The following RFX2 variants were observed in gnomAD, a reference collection of about 807,000 sequenced individuals.
RFX2 encodes regulatory factor X2.
A neutral mutation model predicts 87.8 loss-of-function variants in RFX2; 20 were observed. That is an observed-to-expected ratio of 0.23 (90% CI 0.16 to 0.33). The LOEUF (loss-of-function observed/expected upper bound fraction) is 0.33, where lower values mean the gene tolerates loss of function less well. RFX2 is among the 10% of genes least tolerant of loss of function. The pLI, the probability that RFX2 is intolerant of heterozygous loss-of-function variation, is 1.00. For missense variants in RFX2, 767 were observed against 1,012.3 expected, an observed-to-expected ratio of 0.76 and a Z score of 3.29; for synonymous variants, 397 against 431.3, an observed-to-expected ratio of 0.92 and a Z score of 0.98.
At chr19:6,079,415 A>G (rs902050268) in intron 1 of RFX2, among the ~76,000 whole-genome samples, 1 of 152,230 alleles carries the variant, frequency 6.6e-6, no homozygotes, top group Non-Finnish European at 1.5e-5. Context: ...TGCCAAGTGA[A>G]TGTAGCCAGT....
rs1014701050 is a variant in RFX2 at position 6,110,331 on chromosome 19, G to C, written c.-9+62C>G. 7.9e-5 allele frequency: 12 copies of C among 151,368 alleles called. No individual in the cohort carries two copies. Among genetic ancestry groups the C allele is most frequent in the African/African-American group, 2.9e-4 (12 of 41,286 alleles). 9.4% of individuals were successfully genotyped at this position (151,368 alleles called of 1,614,324 possible). On this transcript the variant is annotated intron_variant, in intron 1 of 17. Coordinates refer to ENST00000303657, the MANE Select transcript of RFX2 (RefSeq NM_000635.4). The surrounding 1 kb of genome is among the most constrained non-coding windows in gnomAD (Gnocchi z 4.3). ...CTGCCCGCCCCCCGGCCCCCGAACGGGGTCCCCGCCGCCCCCCACACTCCC... is the reference window on the plus strand; with the variant it reads ...CTGCCCGCCCCCCGGCCCCCGAACGCGGTCCCCGCCGCCCCCCACACTCCC...
At chr19:6,097,082 G>A (rs1204068643) in intron 1 of RFX2, among the ~76,000 whole-genome samples, 1 of 152,210 alleles carries the variant, frequency 6.6e-6, no homozygotes, top group Non-Finnish European at 1.5e-5. Context: ...GGACCTATAG[G>A]AAGTAGTGAG....
intron 5 of RFX2, among the ~76,000 whole-genome samples, chr19:6,035,850 GGTGT>G (rs34008943): frequency 0.025 from 3,482 of 137,204 alleles, 53 homozygotes; most frequent in Non-Finnish European, 0.033. Context: ...CTTGGTGGGG[GGTGT>G]GTGTGTGTGT....
At position 6,061,706 on chromosome 19, in the gene RFX2, G is replaced by A. The variant is rs74994297; in HGVS notation, c.-8-14202C>T. On this transcript the variant is annotated intron_variant, in intron 1 of 17. Coordinates refer to ENST00000303657, the MANE Select transcript of RFX2 (RefSeq NM_000635.4). The surrounding 1 kb of genome is among the most constrained non-coding windows in gnomAD (Gnocchi z 5.2). ...GGAATGCCGAGTGGCTGGGAAGGAG[G>A]TATGACCACCCGGAGCAGAGGGAGG... Among the ~76,000 whole-genome samples, 1,355 of 152,316 alleles carry A rather than the reference G, an allele frequency of 8.9e-3. 12 individuals carry two copies. The highest frequency in any genetic ancestry group is 0.013 in the Non-Finnish European group (867 of 68,032).
Position 6,021,132 on chromosome 19 carries a change from C to T in RFX2, c.598-4861G>A, listed in dbSNP as rs2086805585. ...TGGGGGCAAATTTGCCTGACACTGG[C>T]TCCTGGTGGTGAGTTAGAGTCTCAC... On this transcript the variant is annotated intron_variant, in intron 6 of 17. Transcript: ENST00000303657. This position sits in a 1 kb window ranked among gnomAD's most constrained non-coding sequence, Gnocchi z 5.7. 6.6e-6 allele frequency among the ~76,000 whole-genome samples: 1 copy of T among 152,202 alleles called. No homozygotes were observed. The highest frequency in any genetic ancestry group is 2.1e-4 in the South Asian group (1 of 4,838).
Position 6,008,147 on chromosome 19 carries a change from C to G in RFX2, c.1093G>C (p.Asp365His). ...TACACCAGCTGCAGGGCCTTGACGT[C>G]GTGCAGTGTGACGCCGTCCTGCAGC... ...FLLQDGVTLH[D>H]VKALQLVYRR... The change falls in exon 10 of 18, where the codon GAC (aspartate) becomes CAC (histidine). Residue 365 changes from aspartate to histidine, a missense_variant. By Grantham distance (81) the Asp-to-His change is moderately conservative. Transcript: ENST00000303657. The G allele has an allele frequency of 1.9e-6, 3 of 1,555,992 alleles. No homozygotes were observed. The highest frequency in any genetic ancestry group is 1.7e-6 in the Non-Finnish European group (2 of 1,149,032).
chr19:6,071,306 C>T (rs894782419), intron 1 of RFX2, among the ~76,000 whole-genome samples: 14 of 152,330 alleles, frequency 9.2e-5, no homozygotes, highest in African/African-American at 3.4e-4. Flanking sequence ...AGCTCCCTGG[C>T]TCCAGACAAG....
rs752282450 is a variant in RFX2 at position 6,001,978 on chromosome 19, G to A, written c.1696C>T (p.Arg566Trp). ...VCQCEESVVQ[R>W]LEQDFKLTLQ... is the part of the protein sequence containing the mutation. ...GTCAGCTTGAAATCCTGCTCCAGCC[G>A]CTGCACCACACTCTCCTCGCACTGG... The change falls in exon 15 of 18, where the codon CGG (arginine) becomes TGG (tryptophan). Residue 566 changes from arginine to tryptophan, a missense_variant. Coordinates refer to ENST00000303657, the MANE Select transcript of RFX2 (RefSeq NM_000635.4). This position sits in a 1 kb window ranked among gnomAD's most constrained non-coding sequence, Gnocchi z 5.6. 1.9e-5 allele frequency: 30 copies of A among 1,611,688 alleles called. No homozygotes were observed. Among genetic ancestry groups the A allele is most frequent in the South Asian group, 5.5e-5 (5 of 91,052 alleles).
intron 1 of RFX2, among the ~76,000 whole-genome samples, chr19:6,098,609 T>G (rs1475869333): frequency 6.6e-6 from 1 of 150,828 alleles, no homozygotes; most frequent in Non-Finnish European, 1.5e-5. Context: ...AGGTCAGGAG[T>G]GTTATAGAGG....
intron 6 of RFX2, among the ~76,000 whole-genome samples, chr19:6,025,238 C>G (rs535465240): frequency 6.6e-6 from 1 of 152,166 alleles, no homozygotes; most frequent in Non-Finnish European, 1.5e-5. Flanking sequence ...AAAGACGGAG[C>G]CTGCCACGTC....
In RFX2 at chr19:6,104,989, G is replaced by A. The variant is rs184697290; in HGVS notation, c.-9+5404C>T. Among the ~76,000 whole-genome samples, 59 of 151,458 alleles carry A rather than the reference G, an allele frequency of 3.9e-4. 1 individual carries two copies. The highest frequency in any genetic ancestry group is 1.4e-3 in the African/African-American group (57 of 41,276). ...AACAATTAGCTGAGCGTTGTGGCAC[G>A]TGCCTGTAATCCCAGCTACTCAGGA... On this transcript the variant is annotated intron_variant, in intron 1 of 17. Transcript: ENST00000303657.
Position 6,026,120 on chromosome 19 carries a change from CA to C in RFX2, c.597+42del. ...GTCTTAAAAATGTCTATGCAGGTTA[CA>C]AGCAGAGCAGGGACAGGTTGCCAGG... On this transcript the variant is annotated intron_variant, in intron 6 of 17. Transcript: ENST00000303657. The surrounding 1 kb of genome is among the most constrained non-coding windows in gnomAD (Gnocchi z 4.5). 1 of 1,527,278 alleles carries C rather than the reference CA, an allele frequency of 6.5e-7. No homozygotes were observed. Among genetic ancestry groups the C allele is most frequent in the Non-Finnish European group, 9.1e-7 (1 of 1,104,930 alleles). 94.6% of individuals were successfully genotyped at this position (1,527,278 alleles called of 1,614,324 possible).
chr19:6,004,816 C>A lies in RFX2; in HGVS notation c.1403-518G>T, dbSNP rs202153768. Among the ~76,000 whole-genome samples, 3 of 149,466 alleles carry A rather than the reference C, an allele frequency of 2.0e-5. No individual in the cohort carries two copies. The highest frequency in any genetic ancestry group is 3.0e-5 in the Non-Finnish European group (2 of 67,400). On this transcript the variant is annotated intron_variant, in intron 12 of 17. Coordinates refer to ENST00000303657, the MANE Select transcript of RFX2 (RefSeq NM_000635.4). The surrounding 1 kb of genome is among the most constrained non-coding windows in gnomAD (Gnocchi z 4.8). ...TCAGACTGTTAAAAAAAAAAAAAACCAAAAAACAAAAACAGAAAAAGGCCA... is the reference window on the plus strand; with the variant it reads ...TCAGACTGTTAAAAAAAAAAAAAACAAAAAAACAAAAACAGAAAAAGGCCA...
intron 13 of RFX2, among the ~76,000 whole-genome samples, chr19:6,003,359 C>T (rs368317650): frequency 2.9e-4 from 44 of 152,214 alleles, no homozygotes; most frequent in African/African-American, 9.2e-4. Context: ...GCCACTGCAC[C>T]GGCCCTGAAT....
At chr19:6,088,314 C>T (rs540174866) in intron 1 of RFX2, among the ~76,000 whole-genome samples, 6 of 151,064 alleles carry the variant, frequency 4.0e-5, no homozygotes, top group African/African-American at 1.2e-4. Flanking sequence ...CCGCCTCCCG[C>T]GATTCTCCTG....
intron 9 of RFX2, 150 bp from the exon 10 acceptor site, chr19:6,008,374 TC>T: frequency 2.1e-6 from 1 of 473,398 alleles, no homozygotes. Context: ...TTTTTCTTTT[TC>T]TTTTTTTTTT....
Position 6,040,262 on chromosome 19 carries a change from A to G in RFX2, c.261-21T>C. 4.0e-6 allele frequency: 6 copies of G among 1,515,188 alleles called. No individual in the cohort carries two copies. The highest frequency in any genetic ancestry group is 5.3e-6 in the Non-Finnish European group (6 of 1,126,706). The allele number at this position is 1,515,188 out of a possible 1,614,324, so 93.9% of individuals were successfully genotyped here. On this transcript the variant is annotated intron_variant, in intron 4 of 17. Coordinates refer to ENST00000303657, the MANE Select transcript of RFX2 (RefSeq NM_000635.4). This position sits in a 1 kb window ranked among gnomAD's most constrained non-coding sequence, Gnocchi z 6.1. ...TTCGTCTGTTAGAAAGAGAGAAGTCACGCATGGGACGCTGTCCCATTTAAA... is the reference window on the plus strand; with the variant it reads ...TTCGTCTGTTAGAAAGAGAGAAGTCGCGCATGGGACGCTGTCCCATTTAAA...
At chr19:6,048,975 C>T (rs766354769) in intron 1 of RFX2, among the ~76,000 whole-genome samples, 28 of 150,360 alleles carry the variant, frequency 1.9e-4, no homozygotes, top group Admixed American at 3.3e-4. Context: ...ACTCACTTCT[C>T]ACCACTAGAT....
intron 1 of RFX2, among the ~76,000 whole-genome samples, chr19:6,062,157 T>C (rs1297112515): frequency 1.3e-5 from 2 of 152,020 alleles, no homozygotes; most frequent in African/African-American, 4.8e-5. Flanking sequence ...AGACCCTGTC[T>C]CTAAAAAGAA....
Sources: allele counts gnomAD v4.1 joint callset (sites outside exome capture counted in the v4.1 genomes callset), GRCh38; gene constraint gnomAD v4.1.1; non-coding constraint Gnocchi (gnomAD v3.1); transcripts MANE v1.5; gene names NCBI Gene and HGNC (gene_info 2026-07-23, HGNC 2026-07-21).